Variants in AGAP1 observed in about 807,000 individuals in gnomAD.
AGAP1 encodes ArfGAP with GTPase domain, ankyrin repeat and PH domain 1.
In AGAP1, 29 loss-of-function variants were observed where a neutral mutation model predicts 105.3. The ratio of observed to expected loss-of-function variants is 0.28; its 90% CI spans 0.21 to 0.38. AGAP1 has a LOEUF of 0.38. Ranked by LOEUF, AGAP1 falls within the 10% of genes least tolerant of loss-of-function variation. The pLI is 1.00. For synonymous variants in AGAP1, 509 were observed against 485.9 expected (o/e 1.05, Z -0.63); for missense variants, 998 against 1,165.1 (o/e 0.86, Z 2.09).
In AGAP1 at chr2:235,552,921, G is replaced by A. The variant is rs554429652; in HGVS notation, c.163+58072G>A. ...CAGAGAGGCAGCGCCTGCCTTGGTC[G>A]TAACTTCTCACACACATACATCCAC... On this transcript the variant is annotated intron_variant, in intron 1 of 17. Transcript: ENST00000304032. The surrounding 1 kb of genome is among the most constrained non-coding windows in gnomAD (Gnocchi z 5.9). 6.1e-4 allele frequency among the ~76,000 whole-genome samples: 93 copies of A among 152,334 alleles called. No homozygotes were observed. Among genetic ancestry groups the A allele is most frequent in the Admixed American group, 2.7e-3 (42 of 15,308 alleles).
chr2:235,904,695 C>A lies in AGAP1; in HGVS notation c.1156-4043C>A, dbSNP rs867690234. Among the ~76,000 whole-genome samples the A allele has an allele frequency of 2.2e-4, 34 of 152,186 alleles. No homozygotes were observed. Among genetic ancestry groups the A allele is most frequent in the African/African-American group, 7.7e-4 (32 of 41,428 alleles). On this transcript the variant is annotated intron_variant, in intron 10 of 17. Coordinates refer to ENST00000304032, the MANE Select transcript of AGAP1 (RefSeq NM_001037131.3). The surrounding 1 kb of genome is among the most constrained non-coding windows in gnomAD (Gnocchi z 4.2). ...AAGGGTCTGCACAGCCCCTTGACTT[C>A]TACGGAGGACATTGTTTAGTGGTTG...
intron 16 of AGAP1, among the ~76,000 whole-genome samples, chr2:236,108,992 C>T (rs372638418): frequency 6.6e-6 from 1 of 152,184 alleles, no homozygotes; most frequent in Non-Finnish European, 1.5e-5. Flanking sequence ...ATGTGCTGAC[C>T]CTTCCCTGCC....
rs193182898 is a variant in AGAP1, at chr2:235,892,438, C to A, written c.1155+8989C>A. Among the ~76,000 whole-genome samples, 28 of 152,196 alleles carry A rather than the reference C, an allele frequency of 1.8e-4. No individual in the cohort carries two copies. The East Asian group carries it at 5.4e-3, about 29-fold the overall frequency. ...GCCAGGGCAGCCAAACTTGGACTCT[C>A]TAAAATTATCATCAGAATGCAGATT... On this transcript the variant is annotated intron_variant, in intron 10 of 17. Coordinates refer to ENST00000304032, the MANE Select transcript of AGAP1 (RefSeq NM_001037131.3).
In AGAP1 at chr2:235,872,913, G is replaced by T. The variant is rs896429193; in HGVS notation, c.1051-10432G>T. ...TGGCTTGTGTTGCCACATGTGAGAA[G>T]ACCTCTCAATGGGGCTTTTGTGGTG... On this transcript the variant is annotated intron_variant, in intron 9 of 17. Transcript: ENST00000304032. The surrounding 1 kb of genome is among the most constrained non-coding windows in gnomAD (Gnocchi z 4.5). Among the ~76,000 whole-genome samples the T allele has an allele frequency of 5.3e-5, 8 of 152,148 alleles. No homozygotes were observed. The highest frequency in any genetic ancestry group is 7.3e-5 in the Non-Finnish European group (5 of 68,042).
chr2:235,623,354 C>A lies in AGAP1; in HGVS notation c.164-85825C>A, dbSNP rs773287863. 6.6e-6 allele frequency among the ~76,000 whole-genome samples: 1 copy of A among 152,060 alleles called. No homozygotes were observed. Among genetic ancestry groups the A allele is most frequent in the Non-Finnish European group, 1.5e-5 (1 of 68,034 alleles). On this transcript the variant is annotated intron_variant, in intron 1 of 17. Coordinates refer to ENST00000304032, the MANE Select transcript of AGAP1 (RefSeq NM_001037131.3). The surrounding 1 kb of genome is among the most constrained non-coding windows in gnomAD (Gnocchi z 4.5). ...TTGCTTTGCCTCGTTGTGTAAATAT[C>A]GGCAAACCATGTTTTGGGGATGGAA...
rs1040530532 is a variant in AGAP1 at position 235,962,441 on chromosome 2, G to A, written c.1484-6021G>A. 4.6e-5 allele frequency among the ~76,000 whole-genome samples: 7 copies of A among 152,112 alleles called. No homozygotes were observed. The highest frequency in any genetic ancestry group is 1.2e-4 in the African/African-American group (5 of 41,418). The stretch of plus-strand genomic sequence containing the variant: ...GCTGCCCGGCTGTATAAGAAAAACC[G>A]TGGGATGTGAGCGGGTTGGACGTCA... On this transcript the variant is annotated intron_variant, in intron 12 of 17. Transcript: ENST00000304032. The surrounding 1 kb of genome is among the most constrained non-coding windows in gnomAD (Gnocchi z 5.3).
chr2:236,094,233 T>C (rs1319873019), intron 16 of AGAP1, among the ~76,000 whole-genome samples: 2 of 151,858 alleles, frequency 1.3e-5, no homozygotes, highest in Non-Finnish European at 2.9e-5. Flanking sequence ...GTCAGGAGGA[T>C]TGCTCGAGCC....
intron 6 of AGAP1, among the ~76,000 whole-genome samples, chr2:235,762,954 A>T (rs1453234220): frequency 6.6e-6 from 1 of 152,170 alleles, no homozygotes; most frequent in East Asian, 1.9e-4. Context: ...GAGAAGAAAG[A>T]TGATTTTTAA....
chr2:236,096,860 G>A lies in AGAP1; in HGVS notation c.2115-23332G>A, dbSNP rs1419718516. On this transcript the variant is annotated intron_variant, in intron 16 of 17. Transcript: ENST00000304032. This position sits in a 1 kb window ranked among gnomAD's most constrained non-coding sequence, Gnocchi z 4.4. ...CTCCCAAAGTGCTGGGATTACAGGC[G>A]TGAGCCACCCTGCCGGGCCAAATGA... Among the ~76,000 whole-genome samples the A allele has an allele frequency of 1.3e-5, 2 of 152,140 alleles. No individual in the cohort carries two copies. The highest frequency in any genetic ancestry group is 2.4e-5 in the African/African-American group (1 of 41,432).
intron 6 of AGAP1, among the ~76,000 whole-genome samples, chr2:235,771,353 A>T (rs1321933882): frequency 2.0e-5 from 3 of 152,174 alleles, no homozygotes; most frequent in Admixed American, 2.0e-4. Flanking sequence ...GGTGCACCTG[A>T]GGAGCCTTGG....
At chr2:235,598,997 G>C (rs945964137) in intron 1 of AGAP1, among the ~76,000 whole-genome samples, 1 of 152,142 alleles carries the variant, frequency 6.6e-6, no homozygotes, top group Non-Finnish European at 1.5e-5. Context: ...TCCTCTTGTT[G>C]ACATTTGCGT....
At position 235,741,369 on chromosome 2, in the gene AGAP1, GT is replaced by G. The variant is rs1559420516; in HGVS notation, c.396+324del. Among the ~76,000 whole-genome samples, 1 of 152,204 alleles carries G rather than the reference GT, an allele frequency of 6.6e-6. No individual in the cohort carries two copies. The highest frequency in any genetic ancestry group is 1.9e-4 in the East Asian group (1 of 5,180). ...GACATCTGGAAATTTCTGTCGTTTG[GT>G]TTGTTTTTTGGCCTTTTCCTTTGAG... On this transcript the variant is annotated intron_variant, in intron 4 of 17. Transcript: ENST00000304032. The surrounding 1 kb of genome is among the most constrained non-coding windows in gnomAD (Gnocchi z 4.9).
At chr2:235,538,225 G>T (rs1241706116) in intron 1 of AGAP1, among the ~76,000 whole-genome samples, 1 of 152,166 alleles carries the variant, frequency 6.6e-6, no homozygotes, top group Non-Finnish European at 1.5e-5. Flanking sequence ...GACTTATAAT[G>T]TAAAATCTGA....
At chr2:235,670,682 C>T (rs1480072116) in intron 1 of AGAP1, 5 of 694,242 alleles carry the variant, frequency 7.2e-6, no homozygotes, top group Non-Finnish European at 1.3e-5. Context: ...CGGGACCACC[C>T]TGGAGCCCGC....
At chr2:235,923,214 T>A (rs961944800) in intron 11 of AGAP1, among the ~76,000 whole-genome samples, 1 of 152,196 alleles carries the variant, frequency 6.6e-6, no homozygotes, top group Non-Finnish European at 1.5e-5. Context: ...TATGACTGCC[T>A]TCCTGTGGAA....
rs993295759 is a variant in AGAP1 at position 235,829,356 on chromosome 2, G to A, written c.1050+22025G>A. Among the ~76,000 whole-genome samples the A allele has an allele frequency of 4.6e-5, 7 of 152,316 alleles. No homozygotes were observed. In the East Asian group the frequency reaches 5.8e-4, roughly 13 times the overall value. The stretch of plus-strand genomic sequence containing the variant: ...ATGTGATGGGGCAGCATTAGCAGTC[G>A]GTCACCTGTGTTTCCAAAGGGAGAA... On this transcript the variant is annotated intron_variant, in intron 9 of 17. Coordinates refer to ENST00000304032, the MANE Select transcript of AGAP1 (RefSeq NM_001037131.3).
At chr2:235,536,178 C>G (rs1289837053) in intron 1 of AGAP1, among the ~76,000 whole-genome samples, 6 of 103,854 alleles carry the variant, frequency 5.8e-5, no homozygotes, top group African/African-American at 1.2e-4. Context: ...CACACACACA[C>G]AGCAGGACCC....
intron 1 of AGAP1, among the ~76,000 whole-genome samples, chr2:235,644,958 C>T (rs1180946422): frequency 6.6e-6 from 1 of 151,588 alleles, no homozygotes; most frequent in Admixed American, 6.6e-5. Context: ...TGCAATGGCG[C>T]GATCTGGGCT....
At chr2:235,575,692 GT>G (rs1435697597) in intron 1 of AGAP1, among the ~76,000 whole-genome samples, 1 of 152,234 alleles carries the variant, frequency 6.6e-6, no homozygotes, top group Non-Finnish European at 1.5e-5. Context: ...GTAGGGAAAG[GT>G]GTGAACGCAC....
Sources: gnomAD v4.1 joint callset for allele counts (sites outside exome capture counted in the v4.1 genomes callset) on GRCh38, gnomAD v4.1.1 for gene constraint, Gnocchi (gnomAD v3.1) non-coding constraint, MANE v1.5 for transcripts, NCBI Gene and HGNC (gene_info 2026-07-23, HGNC 2026-07-21) for gene names.